NDE1: variants seen among roughly 807,000 people sequenced by gnomAD.
The protein encoded by NDE1 is nudE neurodevelopment protein 1, also known as nuclear distribution protein nudE homolog 1.
Under a neutral mutation model 43.4 loss-of-function variants are expected in NDE1, and 28 were observed. The observed-to-expected ratio is 0.65, with a 90% CI of 0.48 to 0.89. The LOEUF is 0.89. Ranked by LOEUF, NDE1 falls within the 40% of genes least tolerant of loss-of-function variation. NDE1 has a pLI of 0.00. For synonymous variants in NDE1, 184 were observed against 172.0 expected (o/e 1.07, Z -0.55); for missense variants, 441 against 434.1 (o/e 1.02, Z -0.14).
intron 8 of NDE1, chr16:15,721,196 T>G: frequency 9.9e-7 from 1 of 1,006,396 alleles, no homozygotes; most frequent in Non-Finnish European, 1.5e-6. Context: ...AGATGACCCC[T>G]GAGAGTTCAG....
chr16:15,721,068 CA>C lies in NDE1; in HGVS notation c.948-3122del, dbSNP rs1322794078. The C allele has an allele frequency of 1.2e-6, 2 of 1,612,766 alleles. No homozygotes were observed. Among genetic ancestry groups the C allele is most frequent in the Non-Finnish European group, 1.7e-6 (2 of 1,179,588 alleles). ...CTCATGGACCTGCCGGCAGAGCGGGCAGCCCCATTCTATGAGGCTCAACTTC... is the reference window on the plus strand; with the variant it reads ...CTCATGGACCTGCCGGCAGAGCGGGCGCCCCATTCTATGAGGCTCAACTTC... On this transcript the variant is annotated intron_variant, in intron 8 of 8. Coordinates refer to ENST00000396354, the MANE Select transcript of NDE1 (RefSeq NM_017668.3).
intron 4 of NDE1, 169 bp from the exon 5 acceptor site, chr16:15,687,206 G>C (rs755868291): frequency 2.0e-6 from 3 of 1,526,632 alleles, no homozygotes; most frequent in Admixed American, 2.0e-5. Flanking sequence ...CAGGTAAAGA[G>C]CCCATGCCCC....
chr16:15,694,144 C>T (rs1187485160), intron 6 of NDE1, 21 bp from the exon 7 acceptor site: 1 of 1,611,530 alleles, frequency 6.2e-7, no homozygotes, highest in Non-Finnish European at 8.5e-7. Context: ...GAGTTACATG[C>T]TCTTCCCTTT....
At chr16:15,720,368 C>G in intron 8 of NDE1, 1 of 1,573,556 alleles carries the variant, frequency 6.4e-7, no homozygotes, top group Non-Finnish European at 8.6e-7. Flanking sequence ...GGTCCTTTGG[C>G]TCACCTAGGC....
intron 4 of NDE1, among the ~76,000 whole-genome samples, chr16:15,684,942 T>C (rs1247291895): frequency 3.9e-5 from 6 of 152,242 alleles, no homozygotes; most frequent in African/African-American, 9.6e-5. Context: ...TGATCTCTTT[T>C]ACAGAGTTCC....
chr16:15,716,494 G>C (rs1049136568), intron 8 of NDE1, among the ~76,000 whole-genome samples: 4 of 152,054 alleles, frequency 2.6e-5, no homozygotes, highest in African/African-American at 7.3e-5. Context: ...TGGGCTGCCG[G>C]TTGGACTTTT....
At chr16:15,702,591 T>G (rs2039258342) in intron 8 of NDE1, among the ~76,000 whole-genome samples, 1 of 145,626 alleles carries the variant, frequency 6.9e-6, no homozygotes, top group Non-Finnish European at 1.5e-5. Flanking sequence ...CTTTTTTTTA[T>G]AGAGACGGGG....
At chr16:15,708,739 G>C (rs914265949) in intron 8 of NDE1, 1 of 1,518,830 alleles carries the variant, frequency 6.6e-7, no homozygotes, top group African/African-American at 1.4e-5. Flanking sequence ...GCAGAGGGGC[G>C]CATTGGGCAG....
intron 1 of NDE1, among the ~76,000 whole-genome samples, chr16:15,651,240 A>G (rs902412416): frequency 3.9e-4 from 59 of 152,018 alleles, no homozygotes; most frequent in African/African-American, 1.4e-3. Flanking sequence ...TTAACTTTCT[A>G]AAGAAAAGGC....
At chr16:15,683,938 G>T (rs1040133074) in intron 4 of NDE1, among the ~76,000 whole-genome samples, 3 of 151,692 alleles carry the variant, frequency 2.0e-5, no homozygotes, top group Admixed American at 1.3e-4. Context: ...GAGGTAAGAA[G>T]GTGAAAGAAT....
intron 4 of NDE1, chr16:15,687,131 C>A: frequency 7.2e-7 from 1 of 1,389,618 alleles, no homozygotes. Flanking sequence ...GCTGTGTGGG[C>A]AGCATCTTAT....
In NDE1 at chr16:15,695,874, C is replaced by G. The variant is rs1483975256; in HGVS notation, c.796-835C>G. 4 of 214,516 alleles carry G rather than the reference C, an allele frequency of 1.9e-5. No homozygotes were observed. The South Asian group carries it at 6.6e-4, about 36-fold the overall frequency. The allele number at this position is 214,516 out of a possible 1,614,324, so 13.3% of individuals were successfully genotyped here. A position where few individuals can be genotyped will look rare whatever the true frequency, so the allele number is the denominator to read the frequency against. On this transcript the variant is annotated intron_variant, in intron 7 of 8. Coordinates refer to ENST00000396354, the MANE Select transcript of NDE1 (RefSeq NM_017668.3). ...TTCCTCAGGGTCTGTTGTAGCCAGA[C>G]CAAGTCCTTACCAAACTTCTTGCCA... is the stretch of plus-strand genomic sequence containing the variant.
At chr16:15,694,346 T>C in intron 7 of NDE1, 90 bp downstream of exon 7, 2 of 1,550,122 alleles carry the variant, frequency 1.3e-6, no homozygotes, top group Non-Finnish European at 1.7e-6. Context: ...CCCTCTCTTC[T>C]TTTTTTCTTT....
chr16:15,669,258 A>G (rs1381620910), intron 3 of NDE1, among the ~76,000 whole-genome samples: 1 of 150,852 alleles, frequency 6.6e-6, no homozygotes, highest in Non-Finnish European at 1.5e-5. Flanking sequence ...CAGTGGCACA[A>G]TCTCACCTCA....
At chr16:15,690,655 A>G (rs962072199) in intron 5 of NDE1, among the ~76,000 whole-genome samples, 2 of 152,142 alleles carry the variant, frequency 1.3e-5, no homozygotes, top group African/African-American at 2.4e-5. Flanking sequence ...AACATCCTGT[A>G]GAGTTCCAAG....
chr16:15,677,821 C>T lies in NDE1; in HGVS notation c.258C>T (p.His86=), dbSNP rs773588477. The T allele has an allele frequency of 1.9e-6, 3 of 1,614,148 alleles. No homozygotes were observed. Among genetic ancestry groups the T allele is most frequent in the Non-Finnish European group, 2.5e-6 (3 of 1,180,038 alleles). The part of the protein sequence containing the change: ...ETIKEKFEVQ[H]SEGYRQISAL... Reference sequence around the variant, plus strand: ...TTCAGGAGAAGTTTGAAGTGCAGCACTCTGAAGGCTACCGGCAGATCTCAG... The same window carrying T: ...TTCAGGAGAAGTTTGAAGTGCAGCATTCTGAAGGCTACCGGCAGATCTCAG... Residue 86 remains histidine, a synonymous_variant, in exon 4 of 9, where the codon CAC becomes CAT. Transcript: ENST00000396354.
At chr16:15,656,588 T>C (rs550611499) in intron 1 of NDE1, among the ~76,000 whole-genome samples, 1 of 152,234 alleles carries the variant, frequency 6.6e-6, no homozygotes, top group African/African-American at 2.4e-5. Flanking sequence ...TCACCCAGGC[T>C]GGAGTGCAGT....
intron 8 of NDE1, chr16:15,714,950 C>G (rs779383281): frequency 6.2e-7 from 1 of 1,614,126 alleles, no homozygotes; most frequent in South Asian, 1.1e-5. Flanking sequence ...GGCCCATGGC[C>G]TCGTTGCTCT....
intron 8 of NDE1, among the ~76,000 whole-genome samples, chr16:15,707,576 A>C (rs1024586415): frequency 9.9e-5 from 15 of 152,190 alleles, no homozygotes; most frequent in Non-Finnish European, 1.8e-4. Flanking sequence ...CCTGCGCTTT[A>C]AGTATTTTGG....
Sources: allele counts gnomAD v4.1 joint callset (sites outside exome capture counted in the v4.1 genomes callset), GRCh38; gene constraint gnomAD v4.1.1; transcripts MANE v1.5; gene names NCBI Gene and HGNC (gene_info 2026-07-23, HGNC 2026-07-21).